The following PARP12 variants were observed in gnomAD, a reference collection of about 807,000 sequenced individuals.
PARP12 encodes the protein protein mono-ADP-ribosyltransferase PARP12.
PARP12 carries 59 observed loss-of-function variants against 72.4 expected under a neutral mutation model. That is an observed-to-expected ratio of 0.81 (90% CI 0.66 to 1.01). The LOEUF (loss-of-function observed/expected upper bound fraction) is 1.01. Among genes scored for constraint, PARP12 ranks in the 50% least tolerant of loss-of-function variants. The pLI is 0.00. For missense variants in PARP12, 851 were observed against 914.0 expected (o/e 0.93, Z 0.89); for synonymous variants, 403 against 371.4 (o/e 1.09, Z -0.98).
intron 5 of PARP12, among the ~76,000 whole-genome samples, chr7:140,044,401 G>A (rs1816628988): frequency 6.6e-6 from 1 of 152,112 alleles, no homozygotes; most frequent in African/African-American, 2.4e-5. Flanking sequence ...AGACACATGG[G>A]GAAATGCCTG....
intron 11 of PARP12, chr7:140,025,426 C>CA (rs1335650018): frequency 3.0e-6 from 1 of 329,150 alleles, no homozygotes; most frequent in Non-Finnish European, 6.1e-6. Context: ...ATCGCTGCCT[C>CA]AGACGGAAAC....
At chr7:140,056,771 TG>T in intron 3 of PARP12, 84 bp downstream of exon 3, 1 of 1,370,914 alleles carries the variant, frequency 7.3e-7, no homozygotes. Context: ...ACACATTCCA[TG>T]TAATGGCTAG....
In PARP12 at chr7:140,062,710, A is replaced by C. The variant is rs1285016965; in HGVS notation, c.138T>G (p.Arg46=). ...CCCGCACCGCCACCACGAAGCGCCC[A>C]CGCTGCCGCAGCAGCCGCTCCAGCG... The part of the protein sequence containing the change: ...ADALERLLRQ[R]GRFVVAVRAG... Residue 46 remains arginine (R), a synonymous_variant, in exon 1 of 12, where the codon CGT becomes CGG. Coordinates refer to ENST00000263549, the MANE Select transcript of PARP12 (RefSeq NM_022750.4). The C allele has an allele frequency of 3.0e-6, 4 of 1,333,212 alleles. No individual in the cohort carries two copies. In the Admixed American group the frequency reaches 1.2e-4, roughly 40 times the overall value. 82.6% of individuals were successfully genotyped at this position (1,333,212 alleles called of 1,614,324 possible).
In PARP12 at chr7:140,028,667, C is replaced by T. The variant is rs765567386; in HGVS notation, c.1443G>A (p.Pro481=). The change falls in exon 9 of 12, where the codon CCG becomes CCA. Residue 481 remains proline (P), a synonymous_variant. Transcript: ENST00000263549. Reference sequence around the variant, plus strand: ...AGTCCCAATAGTCTGGGATGCTCTTCGGGCCTGGAAACTTGGTATTGCTAC... The same window carrying T: ...AGTCCCAATAGTCTGGGATGCTCTTTGGGCCTGGAAACTTGGTATTGCTAC... ...MQTCNTKFPG[P]KSIPDYWDSS... The T allele has an allele frequency of 1.3e-5, 21 of 1,604,246 alleles. No individual in the cohort carries two copies. Among genetic ancestry groups the T allele is most frequent in the South Asian group, 1.2e-4 (11 of 89,128 alleles).
At chr7:140,043,125 C>A (rs1277024650) in intron 5 of PARP12, among the ~76,000 whole-genome samples, 3 of 152,118 alleles carry the variant, frequency 2.0e-5, no homozygotes, top group Non-Finnish European at 4.4e-5. Context: ...ACCCAGGAGG[C>A]GGAGCTTGCA....
chr7:140,042,950 C>T (rs1275138523), intron 5 of PARP12, among the ~76,000 whole-genome samples: 1 of 152,210 alleles, frequency 6.6e-6, no homozygotes, highest in African/African-American at 2.4e-5. Context: ...AATCCCAGCA[C>T]TTTGGGAGGC....
rs1816273094 is a variant in PARP12, at chr7:140,037,793, A to G, written c.1246T>C (p.Cys416Arg). 1 of 1,614,170 alleles carries G rather than the reference A, an allele frequency of 6.2e-7. No individual in the cohort carries two copies. Residue 416 changes from cysteine (C) to arginine (R), a missense_variant, in exon 7 of 12, where the codon TGT (cysteine) becomes CGT (arginine). Transcript: ENST00000263549. The stretch of plus-strand genomic sequence containing the variant: ...GCCTGGCCGTCAGACCCCGGTGTAC[A>G]GTAGGCCAGGTAGGCCTTCTCCACG... ...SDVEKAYLAY[C>R]TPGSDGQAAT...
At chr7:140,058,190 C>T (rs1217737171) in intron 1 of PARP12, among the ~76,000 whole-genome samples, 156 bp from the exon 2 acceptor site, 3 of 152,010 alleles carry the variant, frequency 2.0e-5, no homozygotes, top group African/African-American at 7.3e-5. Flanking sequence ...TAGGGTGGGC[C>T]CCAAACCCAC....
intron 10 of PARP12, 59 bp from the exon 11 acceptor site, chr7:140,026,407 G>C (rs2286198): frequency 3.8e-6 from 6 of 1,558,586 alleles, no homozygotes; most frequent in Non-Finnish European, 5.2e-6. Flanking sequence ...AAATACAGCC[G>C]GCCTGATGCA....
intron 8 of PARP12, among the ~76,000 whole-genome samples, chr7:140,030,758 T>C (rs1417501144): frequency 6.6e-6 from 1 of 152,246 alleles, no homozygotes; most frequent in Non-Finnish European, 1.5e-5. Flanking sequence ...CCAACACAAA[T>C]CTGTAAACTT....
At chr7:140,029,797 C>G (rs1046686008) in intron 8 of PARP12, among the ~76,000 whole-genome samples, 2 of 152,012 alleles carry the variant, frequency 1.3e-5, no homozygotes, top group Non-Finnish European at 2.9e-5. Context: ...CAGATTAGAC[C>G]AGCTGGAGGA....
rs770407190 is a variant in PARP12 at position 140,024,614 on chromosome 7, C to T, written c.2052G>A (p.Ser684=). Residue 684 remains serine, a synonymous_variant, in exon 12 of 12, where the codon TCG becomes TCA. Coordinates refer to ENST00000263549, the MANE Select transcript of PARP12 (RefSeq NM_022750.4). ...VIQYTTSSKP[S]VTPSILLALG... ...AGGCCAGCAGGATGGAGGGTGTGAC[C>T]GAGGGCTTGGAGGAGGTGGTGTACT... is the stretch of plus-strand genomic sequence containing the variant. 28 of 1,614,044 alleles carry T rather than the reference C, an allele frequency of 1.7e-5. No individual in the cohort carries two copies. Among genetic ancestry groups the T allele is most frequent in the African/African-American group, 2.7e-5 (2 of 74,916 alleles).
intron 4 of PARP12, among the ~76,000 whole-genome samples, chr7:140,051,662 A>AT (rs998657809): frequency 1.3e-4 from 20 of 152,214 alleles, no homozygotes; most frequent in African/African-American, 4.3e-4. Context: ...AAGTGCTGAG[A>AT]TTACAGGCAT....
chr7:140,042,566 T>C (rs996933874), intron 5 of PARP12, among the ~76,000 whole-genome samples: 12 of 152,274 alleles, frequency 7.9e-5, no homozygotes, highest in African/African-American at 2.4e-4. Flanking sequence ...AGGAAACAAA[T>C]GTAGGGTCTG....
rs749170460 is a variant in PARP12, at chr7:140,062,572, G to A, written c.276C>T (p.Leu92=). The part of the protein sequence containing the change: ...KPGCVGLCAQ[L]HLCRFMVYGA... Reference sequence around the variant, plus strand: ...CGTAGACCATGAACCTGCAGAGGTGGAGCTGCGCGCAGAGCCCCACGCAGC... The same window carrying A: ...CGTAGACCATGAACCTGCAGAGGTGAAGCTGCGCGCAGAGCCCCACGCAGC... The change falls in exon 1 of 12, where the codon CTC becomes CTT. Residue 92 remains leucine (L), a synonymous_variant. Coordinates refer to ENST00000263549, the MANE Select transcript of PARP12 (RefSeq NM_022750.4). The A allele has an allele frequency of 4.5e-6, 7 of 1,551,152 alleles. No individual in the cohort carries two copies. The highest frequency in any genetic ancestry group is 4.3e-6 in the Non-Finnish European group (5 of 1,153,324).
At chr7:140,034,633 A>C (rs1816079686) in intron 7 of PARP12, 2 of 203,992 alleles carry the variant, frequency 9.8e-6, no homozygotes, top group Non-Finnish European at 2.0e-5. Flanking sequence ...TTGCTTGGCA[A>C]TTTTTCCCAG....
chr7:140,028,641 G>A lies in PARP12; in HGVS notation c.1469C>T (p.Ser490Phe), dbSNP rs1815824503. 6.2e-7 allele frequency: 1 copy of A among 1,603,486 alleles called. No individual in the cohort carries two copies. The highest frequency in any genetic ancestry group is 8.5e-7 in the Non-Finnish European group (1 of 1,174,722). Residue 490 changes from serine to phenylalanine, a missense_variant, in exon 9 of 12, where the codon TCC (serine) becomes TTC (phenylalanine). Coordinates refer to ENST00000263549, the MANE Select transcript of PARP12 (RefSeq NM_022750.4). The stretch of plus-strand genomic sequence containing the variant: ...AAAGCCTGGGTCTGGCAGGGCAGAG[G>A]AGTCCCAATAGTCTGGGATGCTCTT... ...GPKSIPDYWD[S>F]SALPDPGFQK...
Position 140,062,808 on chromosome 7 carries a change from G to A in PARP12, c.40C>T (p.Leu14=), listed in dbSNP as rs1817529404. ...TCCAGGGCGCCCCCGGCCGCGCACA[G>A]CACCTGGGTGACCTCACCGACGACG... The part of the protein sequence containing the change: ...AGVVGEVTQV[L]CAAGGALELP... The change falls in exon 1 of 12, where the codon CTG becomes TTG. Residue 14 remains leucine, a synonymous_variant. Coordinates refer to ENST00000263549, the MANE Select transcript of PARP12 (RefSeq NM_022750.4). 2 of 1,415,872 alleles carry A rather than the reference G, an allele frequency of 1.4e-6. No individual in the cohort carries two copies. Among genetic ancestry groups the A allele is most frequent in the Non-Finnish European group, 1.8e-6 (2 of 1,083,216 alleles). 87.7% of individuals were successfully genotyped at this position (1,415,872 alleles called of 1,614,324 possible).
At chr7:140,056,160 G>C (rs1402512215) in intron 3 of PARP12, among the ~76,000 whole-genome samples, 1 of 152,192 alleles carries the variant, frequency 6.6e-6, no homozygotes, top group East Asian at 1.9e-4. Flanking sequence ...TTATTCATCT[G>C]CCCCACAAGA....
Sources: gnomAD v4.1 joint callset for allele counts (sites outside exome capture counted in the v4.1 genomes callset) on GRCh38, gnomAD v4.1.1 for gene constraint, MANE v1.5 for transcripts, NCBI Gene and HGNC (gene_info 2026-07-23, HGNC 2026-07-21) for gene names.